The following EPM2A variants were observed in gnomAD, a reference collection of about 807,000 sequenced individuals.
The protein encoded by EPM2A is laforin.
In EPM2A, 21 loss-of-function variants were observed where a neutral mutation model predicts 26.5. That is an observed-to-expected ratio of 0.79 (90% CI 0.56 to 1.14). EPM2A has a LOEUF of 1.14. EPM2A is among the 50% of genes most tolerant of loss of function. The probability of loss-of-function intolerance (pLI) is 0.00; values close to 1 mark genes in which losing one functional copy is unlikely to be tolerated. For missense variants in EPM2A, 458 were observed against 440.8 expected (o/e 1.04, Z -0.35); for synonymous variants, 217 against 177.6 (o/e 1.22, Z -1.76).
intron 1 of EPM2A, among the ~76,000 whole-genome samples, chr6:145,723,080 C>A (rs2128639942): frequency 1.3e-5 from 2 of 152,260 alleles, no homozygotes; most frequent in African/African-American, 2.4e-5. Context: ...TTTGTTTAAT[C>A]TTCTTAAATT....
chr6:145,733,184 T>C (rs1002575936), intron 1 of EPM2A, among the ~76,000 whole-genome samples: 6 of 152,216 alleles, frequency 3.9e-5, no homozygotes, highest in African/African-American at 1.2e-4. Context: ...AATATTTTTC[T>C]TATCCTCTCT....
intron 2 of EPM2A, among the ~76,000 whole-genome samples, chr6:145,660,215 G>A (rs957129580): frequency 5.9e-5 from 9 of 151,894 alleles, no homozygotes; most frequent in African/African-American, 2.2e-4. Context: ...CATTCCTCAG[G>A]TATTATTAAT....
chr6:145,447,466 T>C (rs991705), intron 4 of EPM2A, among the ~76,000 whole-genome samples: 26,491 of 152,110 alleles, frequency 0.17, 3,025 homozygotes, highest in Non-Finnish European at 0.24. Flanking sequence ...TGCTAATTGG[T>C]GCCTTACCTC....
intron 1 of EPM2A, among the ~76,000 whole-genome samples, chr6:145,704,076 TCTG>T (rs919794218): frequency 6.6e-6 from 1 of 152,232 alleles, no homozygotes; most frequent in African/African-American, 2.4e-5. Flanking sequence ...ATCAAAGTAA[TCTG>T]CTTATATCTG....
intron 2 of EPM2A, among the ~76,000 whole-genome samples, chr6:145,669,025 G>T (rs973137911): frequency 2.0e-5 from 3 of 152,086 alleles, no homozygotes; most frequent in Non-Finnish European, 4.4e-5. Flanking sequence ...AGGTCTGTGT[G>T]TTGATACACT....
chr6:145,553,130 A>G (rs1780678128), intron 2 of EPM2A, among the ~76,000 whole-genome samples: 1 of 152,006 alleles, frequency 6.6e-6, no homozygotes, highest in South Asian at 2.1e-4. Context: ...ATGAGATTTG[A>G]TGGTTTTACA....
At chr6:145,508,405 TC>T (rs920964263) in intron 2 of EPM2A, among the ~76,000 whole-genome samples, 2 of 152,158 alleles carry the variant, frequency 1.3e-5, no homozygotes, top group Non-Finnish European at 2.9e-5. Context: ...GAATTACACC[TC>T]CAAATAAAAG....
chr6:145,733,684 A>T (rs1776630911), intron 1 of EPM2A, among the ~76,000 whole-genome samples: 1 of 152,220 alleles, frequency 6.6e-6, no homozygotes, highest in South Asian at 2.1e-4. Flanking sequence ...AGAAAGGATA[A>T]ACTGAAGAGG....
At chr6:145,433,933 C>A (rs1016437391) in intron 4 of EPM2A, among the ~76,000 whole-genome samples, 14 of 151,980 alleles carry the variant, frequency 9.2e-5, no homozygotes, top group Non-Finnish European at 1.0e-4. Flanking sequence ...ACTGGAAGGG[C>A]AGAAATTTGT....
At chr6:145,570,143 G>A (rs563221838) in intron 2 of EPM2A, among the ~76,000 whole-genome samples, 26 of 152,008 alleles carry the variant, frequency 1.7e-4, no homozygotes, top group Admixed American at 1.1e-3. Context: ...GCCTTTCCCC[G>A]CCCCTGACTC....
intron 2 of EPM2A, among the ~76,000 whole-genome samples, chr6:145,517,898 A>T (rs1323136215): frequency 2.0e-5 from 3 of 152,180 alleles, no homozygotes; most frequent in Non-Finnish European, 4.4e-5. Flanking sequence ...CTATTACTGG[A>T]TCTAAAAAAC....
intron 2 of EPM2A, among the ~76,000 whole-genome samples, chr6:145,664,334 G>C (rs1250551363): frequency 9.0e-6 from 1 of 110,516 alleles, no homozygotes. Flanking sequence ...CAAGCAAATG[G>C]AAAACTAAAA....
downstream of EPM2A, among the ~76,000 whole-genome samples, chr6:145,501,373 G>A (rs1183387493): frequency 6.6e-6 from 1 of 152,114 alleles, no homozygotes; most frequent in Non-Finnish European, 1.5e-5. Context: ...TCTTCAAGGT[G>A]GAATAGCCTT....
downstream of EPM2A, among the ~76,000 whole-genome samples, chr6:145,624,370 T>A (rs1364546011): frequency 6.6e-6 from 1 of 152,188 alleles, no homozygotes; most frequent in Non-Finnish European, 1.5e-5. Flanking sequence ...TCTTTGCTTT[T>A]TCTCATTTTA....
rs1014757875 is a variant in EPM2A at position 145,417,882 on chromosome 6, C to T, written c.556-33785G>A. Among the ~76,000 whole-genome samples, 5 of 152,234 alleles carry T rather than the reference C, an allele frequency of 3.3e-5. No individual in the cohort carries two copies. The South Asian group carries it at 8.3e-4, about 25-fold the overall frequency. ...GAGCAGCTCTTTGATATAACAGCTT[C>T]CAGCAGCTGAGCCACACTCCTTCAG... On this transcript the variant is annotated intron_variant, in intron 4 of 4. Transcript: ENST00000638717.
At chr6:145,482,836 G>T (rs1256597368) in intron 4 of EPM2A, among the ~76,000 whole-genome samples, 1 of 150,192 alleles carries the variant, frequency 6.7e-6, no homozygotes, top group Non-Finnish European at 1.5e-5. Flanking sequence ...TCATTGCATT[G>T]ATTATTTATG....
chr6:145,458,511 A>G (rs1562342789), intron 4 of EPM2A, among the ~76,000 whole-genome samples: 1 of 152,158 alleles, frequency 6.6e-6, no homozygotes, highest in Non-Finnish European at 1.5e-5. Flanking sequence ...GATATCATGT[A>G]TTAGATTTAG....
intron 3 of EPM2A, chr6:145,633,970 T>C (rs1450408480): frequency 6.6e-6 from 1 of 152,168 alleles, no homozygotes; most frequent in African/African-American, 2.4e-5. Context: ...GTCTGCAAAA[T>C]AGAGACAGCT....
At chr6:145,687,453 A>T (rs1781000770) in intron 1 of EPM2A, among the ~76,000 whole-genome samples, 1 of 151,960 alleles carries the variant, frequency 6.6e-6, no homozygotes, top group Non-Finnish European at 1.5e-5. Context: ...ATACTAGTAA[A>T]CCTTGATTTC....
Sources: allele counts gnomAD v4.1 joint callset (sites outside exome capture counted in the v4.1 genomes callset), GRCh38; gene constraint gnomAD v4.1.1; transcripts MANE v1.5; gene names NCBI Gene and HGNC (gene_info 2026-07-23, HGNC 2026-07-21).